QTMAN: variants seen among roughly 807,000 people sequenced by gnomAD.
The protein encoded by QTMAN is queuosine-tRNA mannosyltransferase, also known as tRNA-queuosine alpha-mannosyltransferase.
the QTMAN span, among the ~76,000 whole-genome samples, chr2:144,271,766 C>T: frequency 6.6e-6 from 1 of 152,124 alleles, no homozygotes; most frequent in Admixed American, 6.5e-5. Context: ...CTTTAAAAAA[C>T]TGTACTGAGC....
At chr2:144,254,156 T>C in the QTMAN span, among the ~76,000 whole-genome samples, 1 of 152,360 alleles carries the variant, frequency 6.6e-6, no homozygotes, top group South Asian at 2.1e-4. Context: ...GTGCAGTGGC[T>C]CATGCCTGTA....
chr2:144,194,134 T>A, the QTMAN span, among the ~76,000 whole-genome samples: 4 of 152,130 alleles, frequency 2.6e-5, no homozygotes, highest in Non-Finnish European at 1.5e-5. Flanking sequence ...TCAGAGCAAA[T>A]CAGTCACTTA....
chr2:144,181,205 G>A, the QTMAN span, among the ~76,000 whole-genome samples: 25 of 152,190 alleles, frequency 1.6e-4, no homozygotes, highest in African/African-American at 6.0e-4. Flanking sequence ...CAGGAGTCCA[G>A]CTTATGTTGT....
At chr2:144,061,666 G>A in the QTMAN span, among the ~76,000 whole-genome samples, 1 of 152,086 alleles carries the variant, frequency 6.6e-6, no homozygotes, top group African/African-American at 2.4e-5. Flanking sequence ...GAAGGGCTGG[G>A]CTCCTGGCTA....
At chr2:144,204,131 C>A in the QTMAN span, among the ~76,000 whole-genome samples, 60 of 152,188 alleles carry the variant, frequency 3.9e-4, no homozygotes, top group African/African-American at 1.3e-3. Flanking sequence ...GCAACAAAAG[C>A]CAAAATTGAC....
the QTMAN span, among the ~76,000 whole-genome samples, chr2:144,236,724 C>T: frequency 6.6e-6 from 1 of 151,822 alleles, no homozygotes; most frequent in Non-Finnish European, 1.5e-5. Context: ...ACAGAATTAG[C>T]CAAACATATC....
At chr2:143,985,282 G>A in the QTMAN span, among the ~76,000 whole-genome samples, 38 of 152,338 alleles carry the variant, frequency 2.5e-4, no homozygotes, top group African/African-American at 8.9e-4. Flanking sequence ...CTGAGTAAAT[G>A]AGCCAGCCCT....
At chr2:143,984,190 CTG>C in the QTMAN span, among the ~76,000 whole-genome samples, 2 of 152,154 alleles carry the variant, frequency 1.3e-5, no homozygotes, top group East Asian at 1.9e-4. Context: ...GGGGAGTAAA[CTG>C]TTATTTTCCC....
chr2:144,010,231 C>A, the QTMAN span, among the ~76,000 whole-genome samples: 7 of 151,936 alleles, frequency 4.6e-5, no homozygotes, highest in African/African-American at 1.7e-4. Context: ...GGGTTGTAAA[C>A]AACAGGAATT....
the QTMAN span, among the ~76,000 whole-genome samples, chr2:144,175,390 CA>C: frequency 3.3e-5 from 5 of 151,540 alleles, no homozygotes; most frequent in Admixed American, 1.3e-4. Flanking sequence ...AAAAGTCTGC[CA>C]AAAAAAATTT....
chr2:144,274,027 A>T, the QTMAN span, among the ~76,000 whole-genome samples: 1 of 152,154 alleles, frequency 6.6e-6, no homozygotes, highest in East Asian at 1.9e-4. Context: ...CTAGCTACTC[A>T]GGAGGCTGAG....
the QTMAN span, among the ~76,000 whole-genome samples, chr2:144,209,056 A>AC: frequency 1.3e-5 from 2 of 152,196 alleles, no homozygotes; most frequent in Non-Finnish European, 2.9e-5. Context: ...GATTGTCTCC[A>AC]CTATGACTCT....
the QTMAN span, among the ~76,000 whole-genome samples, chr2:144,265,948 C>G: frequency 3.3e-5 from 5 of 152,190 alleles, no homozygotes; most frequent in Non-Finnish European, 7.3e-5. Flanking sequence ...AAGGCCCACA[C>G]ATTCATCTAT....
chr2:144,133,116 A>ATAT, the QTMAN span, among the ~76,000 whole-genome samples: 1 of 41,386 alleles, frequency 2.4e-5, no homozygotes, highest in African/African-American at 1.3e-4. Context: ...AATGACTGGT[A>ATAT]ATATATATAT....
chr2:144,175,670 CAGAGAGAG>C, the QTMAN span, among the ~76,000 whole-genome samples: 5 of 148,324 alleles, frequency 3.4e-5, no homozygotes, highest in Non-Finnish European at 6.0e-5. Context: ...TATATATTTA[CAGAGAGAG>C]AGAGAGAGAG....
At chr2:144,196,845 C>G in the QTMAN span, among the ~76,000 whole-genome samples, 1 of 152,132 alleles carries the variant, frequency 6.6e-6, no homozygotes, top group Non-Finnish European at 1.5e-5. Flanking sequence ...AATACATGAA[C>G]TCTACAGATG....
At chr2:144,200,808 C>T in the QTMAN span, among the ~76,000 whole-genome samples, 1 of 152,130 alleles carries the variant, frequency 6.6e-6, no homozygotes, top group Non-Finnish European at 1.5e-5. Context: ...TTGGTTTAAT[C>T]CAGTAAAACT....
the QTMAN span, among the ~76,000 whole-genome samples, chr2:143,972,759 G>C: frequency 6.6e-6 from 1 of 152,080 alleles, no homozygotes; most frequent in African/African-American, 2.4e-5. Context: ...CCAAATGTAA[G>C]GTGAGATTTT....
At chr2:144,154,377 G>A in the QTMAN span, among the ~76,000 whole-genome samples, 1 of 152,142 alleles carries the variant, frequency 6.6e-6, no homozygotes, top group African/African-American at 2.4e-5. Context: ...CATTAAGGGT[G>A]ATGAAAGAAA....
Sources: allele counts gnomAD v4.1 joint callset (sites outside exome capture counted in the v4.1 genomes callset), GRCh38; gene constraint gnomAD v4.1.1; transcripts MANE v1.5; gene names NCBI Gene and HGNC (gene_info 2026-07-23, HGNC 2026-07-21).